FER: variants seen among roughly 807,000 people sequenced by gnomAD.
FER encodes FER tyrosine kinase, also known as tyrosine-protein kinase Fer.
A neutral mutation model predicts 111.0 loss-of-function variants in FER; 63 were observed. The observed-to-expected ratio is 0.57, with a 90% CI of 0.46 to 0.70. The LOEUF is 0.70. FER is among the 30% of genes least tolerant of loss of function. The pLI is 0.00. For missense variants in FER, 914 were observed against 954.0 expected (o/e 0.96, Z 0.55); for synonymous variants, 327 against 313.9 (o/e 1.04, Z -0.44).
intron 5 of FER, among the ~76,000 whole-genome samples, chr5:108,856,827 G>A (rs1763056596): frequency 6.6e-6 from 1 of 151,918 alleles, no homozygotes; most frequent in Non-Finnish European, 1.5e-5. Context: ...ATACCTGCTA[G>A]GAGACATACA....
intron 15 of FER, among the ~76,000 whole-genome samples, chr5:109,045,014 A>G (rs1771746826): frequency 6.6e-6 from 1 of 152,070 alleles, no homozygotes; most frequent in South Asian, 2.1e-4. Context: ...CAAGTTCTTA[A>G]AATGTTAAGA....
At chr5:109,007,460 C>G (rs1765649924) in intron 13 of FER, among the ~76,000 whole-genome samples, 1 of 152,154 alleles carries the variant, frequency 6.6e-6, no homozygotes, top group South Asian at 2.1e-4. Flanking sequence ...TTCTATGCCC[C>G]TTTCTAGTCA....
chr5:108,749,922 AT>A (rs1329086411), intron 1 of FER, among the ~76,000 whole-genome samples: 1 of 152,180 alleles, frequency 6.6e-6, no homozygotes, highest in East Asian at 1.9e-4. Flanking sequence ...TACGTTTGCG[AT>A]TTTGCCATCC....
At chr5:108,825,729 G>C (rs1230187668) in intron 3 of FER, among the ~76,000 whole-genome samples, 1 of 152,170 alleles carries the variant, frequency 6.6e-6, no homozygotes, top group Non-Finnish European at 1.5e-5. Flanking sequence ...AGAGATTACA[G>C]TAAAGACAGG....
chr5:109,080,017 AACTGC>A (rs1776804270), intron 16 of FER, among the ~76,000 whole-genome samples: 1 of 152,150 alleles, frequency 6.6e-6, no homozygotes, highest in Non-Finnish European at 1.5e-5. Context: ...AGTTTAATAA[AACTGC>A]TACTTTTTTG....
chr5:108,830,187 C>G (rs1759889030), intron 3 of FER, among the ~76,000 whole-genome samples: 1 of 152,160 alleles, frequency 6.6e-6, no homozygotes, highest in African/African-American at 2.4e-5. Context: ...GGTGTGGTGG[C>G]TCATGCCTGC....
intron 9 of FER, among the ~76,000 whole-genome samples, chr5:108,891,981 C>A (rs1380954871): frequency 6.6e-6 from 1 of 152,178 alleles, no homozygotes; most frequent in Admixed American, 6.5e-5. Flanking sequence ...CATGTCCCTA[C>A]AAAGGACATG....
At chr5:109,021,778 A>G (rs943676061) in intron 13 of FER, among the ~76,000 whole-genome samples, 1 of 152,098 alleles carries the variant, frequency 6.6e-6, no homozygotes, top group African/African-American at 2.4e-5. Flanking sequence ...TATTTATGAA[A>G]CATGACGTTG....
At chr5:108,876,671 T>C (rs903674319) in intron 8 of FER, among the ~76,000 whole-genome samples, 10 of 152,222 alleles carry the variant, frequency 6.6e-5, no homozygotes, top group South Asian at 2.1e-4. Context: ...CTGAATATAC[T>C]TAATTAAAAT....
chr5:109,000,875 C>A (rs949374958), intron 13 of FER, among the ~76,000 whole-genome samples: 3 of 152,142 alleles, frequency 2.0e-5, no homozygotes, highest in African/African-American at 7.2e-5. Flanking sequence ...ACTATAAACA[C>A]CTCTACGCAA....
In FER at chr5:109,053,318, G is replaced by A. The variant is rs1370618246; in HGVS notation, c.1924+6120G>A. Among the ~76,000 whole-genome samples the A allele has an allele frequency of 7.3e-5, 11 of 150,898 alleles. 1 individual carries two copies. The South Asian group carries it at 1.9e-3, about 26-fold the overall frequency. Reference sequence around the variant, plus strand: ...GAATCGCTTGAACCCAGAAGGCAGAGGTTGCAGTGAGCCAAGATCATGCCA... The same window carrying A: ...GAATCGCTTGAACCCAGAAGGCAGAAGTTGCAGTGAGCCAAGATCATGCCA... On this transcript the variant is annotated intron_variant, in intron 16 of 19. Transcript: ENST00000281092.
At chr5:108,977,920 A>G (rs1761578391) in intron 13 of FER, among the ~76,000 whole-genome samples, 1 of 152,124 alleles carries the variant, frequency 6.6e-6, no homozygotes, top group Non-Finnish European at 1.5e-5. Context: ...ATCTTGGCTC[A>G]CTGCAGCCCC....
chr5:108,897,130 T>G (rs1749265160), intron 9 of FER, among the ~76,000 whole-genome samples: 1 of 152,210 alleles, frequency 6.6e-6, no homozygotes. Flanking sequence ...GTTTTACTCA[T>G]TCCTCCAGTT....
chr5:109,119,965 G>A (rs1750761686), intron 17 of FER, among the ~76,000 whole-genome samples: 1 of 151,860 alleles, frequency 6.6e-6, no homozygotes, highest in African/African-American at 2.4e-5. Flanking sequence ...TTTTAAAGTG[G>A]ATCATTAGAT....
intron 13 of FER, among the ~76,000 whole-genome samples, chr5:109,021,221 C>T (rs60584949): frequency 2.0e-5 from 3 of 151,676 alleles, no homozygotes; most frequent in African/African-American, 4.8e-5. Context: ...AGATTTTAGC[C>T]GGTGTGCTTA....
At chr5:108,934,621 C>T (rs1192411901) in intron 10 of FER, among the ~76,000 whole-genome samples, 2 of 152,084 alleles carry the variant, frequency 1.3e-5, no homozygotes, top group Non-Finnish European at 2.9e-5. Context: ...GTGCTAATTA[C>T]TGTGAAAAGA....
chr5:108,835,830 G>A, intron 5 of FER, 23 bp downstream of exon 5: 1 of 1,319,788 alleles, frequency 7.6e-7, no homozygotes, highest in Non-Finnish European at 1.0e-6. Flanking sequence ...TTTAAAAATT[G>A]TTTACTTAGG....
chr5:109,159,269 G>A (rs1755738380), intron 17 of FER, among the ~76,000 whole-genome samples: 1 of 152,068 alleles, frequency 6.6e-6, no homozygotes, highest in South Asian at 2.1e-4. Context: ...CTTCTTTCAA[G>A]CGGCTCAACT....
intron 5 of FER, among the ~76,000 whole-genome samples, chr5:108,836,150 CTT>C (rs1361664304): frequency 2.4e-4 from 37 of 151,940 alleles, no homozygotes. Flanking sequence ...TATTTAGAAA[CTT>C]TTAAAATCTT....
Sources: allele counts gnomAD v4.1 joint callset (sites outside exome capture counted in the v4.1 genomes callset), GRCh38; gene constraint gnomAD v4.1.1; transcripts MANE v1.5; gene names NCBI Gene and HGNC (gene_info 2026-07-23, HGNC 2026-07-21).